TMPRSS11E: variants seen among roughly 807,000 people sequenced by gnomAD.
TMPRSS11E encodes the protein transmembrane protease serine 11E.
TMPRSS11E carries 38 observed loss-of-function variants against 48.1 expected under a neutral mutation model. That is an observed-to-expected ratio of 0.79 (90% CI 0.61 to 1.04). The LOEUF (loss-of-function observed/expected upper bound fraction) is 1.04. Among genes scored for constraint, TMPRSS11E ranks in the 50% least tolerant of loss-of-function variants. The probability of loss-of-function intolerance (pLI) is 0.00; values close to 1 mark genes in which losing one functional copy is unlikely to be tolerated. For missense variants in TMPRSS11E, 530 were observed against 510.8 expected, an observed-to-expected ratio of 1.04 and a Z score of -0.36; for synonymous variants, 158 against 171.9, an observed-to-expected ratio of 0.92 and a Z score of 0.63.
At chr4:68,456,462 T>A (rs1034289920) in intron 1 of TMPRSS11E, among the ~76,000 whole-genome samples, 72 of 152,066 alleles carry the variant, frequency 4.7e-4, no homozygotes, top group Middle Eastern at 3.4e-3. Flanking sequence ...CTTCTTTTTT[T>A]AAAAAAACAG....
chr4:68,454,532 G>A (rs939548424), intron 1 of TMPRSS11E, among the ~76,000 whole-genome samples: 1 of 151,818 alleles, frequency 6.6e-6, no homozygotes, highest in East Asian at 1.9e-4. Context: ...ATATATTTCA[G>A]GTCGATAACT....
Position 68,474,758 on chromosome 4 carries a change from C to T in TMPRSS11E, c.526C>T (p.His176Tyr). Residue 176 changes from histidine (H) to tyrosine (Y), a missense_variant, in exon 6 of 10, where the codon CAT (histidine) becomes TAT (tyrosine). Transcript: ENST00000305363. ...GACAGAAACAGACAGCTATCTAAACCATTGTAAGTTTAATATATTTATTAA... is the reference window on the plus strand; with the variant it reads ...GACAGAAACAGACAGCTATCTAAACTATTGTAAGTTTAATATATTTATTAA... Reference protein sequence around the residue: ...NKTETDSYLNHCCGTRRSKTL... With the variant: ...NKTETDSYLNYCCGTRRSKTL... 6.3e-7 allele frequency: 1 copy of T among 1,598,658 alleles called. No homozygotes were observed. The highest frequency in any genetic ancestry group is 2.2e-5 in the East Asian group (1 of 44,582).
At chr4:68,482,178 T>C (rs571488674) in intron 9 of TMPRSS11E, among the ~76,000 whole-genome samples, 2 of 72,014 alleles carry the variant, frequency 2.8e-5, no homozygotes, top group East Asian at 6.4e-4. Context: ...AGAGGTGCCA[T>C]ACACTTTTAA....
chr4:68,488,314 T>C (rs1729619401), intron 9 of TMPRSS11E, among the ~76,000 whole-genome samples: 1 of 152,196 alleles, frequency 6.6e-6, no homozygotes, highest in Non-Finnish European at 1.5e-5. Context: ...AGATTTGGTA[T>C]ATTTATATAA....
intron 4 of TMPRSS11E, among the ~76,000 whole-genome samples, chr4:68,471,236 T>C (rs1198662965): frequency 6.6e-6 from 1 of 151,490 alleles, no homozygotes; most frequent in African/African-American, 2.4e-5. Context: ...TTCTTTTCTC[T>C]TTTCTTTTCT....
chr4:68,471,506 T>C lies in TMPRSS11E; in HGVS notation c.373T>C (p.Phe125Leu). The C allele has an allele frequency of 6.2e-7, 1 of 1,603,404 alleles. No homozygotes were observed. Among genetic ancestry groups the C allele is most frequent in the Non-Finnish European group, 8.5e-7 (1 of 1,175,792 alleles). The change falls in exon 5 of 10, where the codon TTT (phenylalanine) becomes CTT (leucine). Residue 125 changes from phenylalanine to leucine, a missense_variant. Physicochemically the swap from Phe to Leu is conservative, Grantham distance 22 (BLOSUM62 0). Transcript: ENST00000305363. ...VLAHMLLICR[F>L]HSTEDPETVD... The stretch of plus-strand genomic sequence containing the variant: ...GGCTCATATGCTGTTGATTTGTAGA[T>C]TTCACTCTACTGAGGATCCTGAAAC...
At position 68,476,424 on chromosome 4, in the gene TMPRSS11E, T is replaced by TTTA. The variant is rs1376678299; in HGVS notation, c.693_694insTTA (p.Ala231_His232insLeu). On this transcript the variant is annotated inframe_insertion, in exon 7 of 10. Coordinates refer to ENST00000305363, the MANE Select transcript of TMPRSS11E (RefSeq NM_014058.4). ...ATGCCACATGGCTTGTGAGTGCTGC[T>TTTA]CACTGTTTTACAACGTAAGTCTTGA... 3.1e-6 allele frequency: 5 copies of TTTA among 1,611,538 alleles called. No homozygotes were observed. Among genetic ancestry groups the TTTA allele is most frequent in the Non-Finnish European group, 3.4e-6 (4 of 1,178,338 alleles).
At position 68,496,750 on chromosome 4, in the gene TMPRSS11E, T is replaced by G; in HGVS notation, c.1218T>G (p.Val406=). Residue 406 remains valine (V), a synonymous_variant, in exon 10 of 10, where the codon GTT becomes GTG. Transcript: ENST00000305363. ...DECAKPNKPG[V]YTRVTALRDW... is the part of the protein sequence containing the mutation. ...GTGCGAAACCCAACAAGCCTGGTGT[T>G]TATACTAGAGTTACGGCCTTGCGGG... 1.2e-6 allele frequency: 2 copies of G among 1,613,628 alleles called. No homozygotes were observed. Among genetic ancestry groups the G allele is most frequent in the Non-Finnish European group, 1.7e-6 (2 of 1,179,682 alleles).
chr4:68,485,463 A>G (rs911560675), intron 9 of TMPRSS11E, among the ~76,000 whole-genome samples: 1 of 152,098 alleles, frequency 6.6e-6, no homozygotes, highest in African/African-American at 2.4e-5. Context: ...ATTTATTTTC[A>G]TATGTTGAAC....
intron 1 of TMPRSS11E, among the ~76,000 whole-genome samples, chr4:68,454,361 A>T (rs542542322): frequency 6.6e-6 from 1 of 151,948 alleles, no homozygotes; most frequent in South Asian, 2.1e-4. Flanking sequence ...TATGGTATTA[A>T]TTTGCACAGA....
Position 68,449,538 on chromosome 4 carries a change from G to A in TMPRSS11E, c.11+2015G>A, listed in dbSNP as rs563234761. Among the ~76,000 whole-genome samples, 33 of 151,822 alleles carry A rather than the reference G, an allele frequency of 2.2e-4. No homozygotes were observed. The South Asian group carries it at 5.0e-3, about 23-fold the overall frequency. The stretch of plus-strand genomic sequence containing the variant: ...ATTTTTACCTAATAGGGTAAGCACT[G>A]TCTCTAAAAGTGTGGTCCGTAGACC... On this transcript the variant is annotated intron_variant, in intron 1 of 9. Coordinates refer to ENST00000305363, the MANE Select transcript of TMPRSS11E (RefSeq NM_014058.4).
chr4:68,454,351 T>A (rs1308375807), intron 1 of TMPRSS11E, among the ~76,000 whole-genome samples: 2 of 151,940 alleles, frequency 1.3e-5, no homozygotes, highest in African/African-American at 4.8e-5. Flanking sequence ...TTATAATTTT[T>A]ATGGTATTAA....
intron 1 of TMPRSS11E, among the ~76,000 whole-genome samples, chr4:68,458,436 A>G (rs1391460812): frequency 1.3e-5 from 2 of 152,212 alleles, no homozygotes; most frequent in African/African-American, 4.8e-5. Flanking sequence ...AATCATATAA[A>G]GAAAGAAATT....
intron 2 of TMPRSS11E, among the ~76,000 whole-genome samples, chr4:68,462,499 C>T (rs1047482711): frequency 3.4e-4 from 51 of 151,346 alleles, no homozygotes; most frequent in African/African-American, 1.1e-3. Flanking sequence ...AGGAGAATCA[C>T]TTGAACCCAG....
At chr4:68,459,126 C>T (rs903329349) in intron 1 of TMPRSS11E, among the ~76,000 whole-genome samples, 1 of 152,090 alleles carries the variant, frequency 6.6e-6, no homozygotes, top group Non-Finnish European at 1.5e-5. Context: ...GTATTTTTGA[C>T]TGGATTCTCT....
rs763192176 is a variant in TMPRSS11E, at chr4:68,478,930, A to T, written c.1049A>T (p.Asp350Val). Residue 350 changes from aspartate (D) to valine (V), a missense_variant, in exon 9 of 10, where the codon GAC (aspartate) becomes GTC (valine). Asp to Val is a radical substitution (Grantham distance 152, BLOSUM62 -3). Coordinates refer to ENST00000305363, the MANE Select transcript of TMPRSS11E (RefSeq NM_014058.4). ...TGCAATGAACCTCAAGCTTACAATG[A>T]CGCCATAACTCCTAGAATGTTATGT... ...TTCNEPQAYNDAITPRMLCAG... is the reference protein window; with the variant it reads ...TTCNEPQAYNVAITPRMLCAG... 9 of 1,613,978 alleles carry T rather than the reference A, an allele frequency of 5.6e-6. No individual in the cohort carries two copies. The South Asian group carries it at 9.9e-5, about 18-fold the overall frequency.
chr4:68,493,785 G>A (rs757131319), intron 9 of TMPRSS11E, among the ~76,000 whole-genome samples: 11 of 151,914 alleles, frequency 7.2e-5, no homozygotes, highest in Non-Finnish European at 1.2e-4. Flanking sequence ...ATCTTGCCCA[G>A]CCTCCATTTA....
chr4:68,476,181 G>A, intron 6 of TMPRSS11E, 80 bp from the exon 7 acceptor site: 3 of 1,573,968 alleles, frequency 1.9e-6, no homozygotes, highest in Non-Finnish European at 2.6e-6. Context: ...AGAAATATGG[G>A]ACATAGTAAC....
chr4:68,448,300 T>TA (rs1728396146), intron 1 of TMPRSS11E, among the ~76,000 whole-genome samples: 2 of 152,004 alleles, frequency 1.3e-5, no homozygotes, highest in East Asian at 1.9e-4. Flanking sequence ...GGTCTTCATT[T>TA]AACATGGAAA....
Sources: gnomAD v4.1 joint callset for allele counts (sites outside exome capture counted in the v4.1 genomes callset) on GRCh38, gnomAD v4.1.1 for gene constraint, MANE v1.5 for transcripts, NCBI Gene and HGNC (gene_info 2026-07-23, HGNC 2026-07-21) for gene names.